HNRNPU: variants seen among roughly 807,000 people sequenced by gnomAD.
The protein encoded by HNRNPU is heterogeneous nuclear ribonucleoprotein U.
HNRNPU carries 5 observed loss-of-function variants against 94.7 expected under a neutral mutation model. That is an observed-to-expected ratio of 0.05 (90% CI 0.03 to 0.11). The LOEUF is 0.11. Ranked by LOEUF, HNRNPU falls within the 10% of genes least tolerant of loss-of-function variation. The pLI, the probability that HNRNPU is intolerant of heterozygous loss-of-function variation, is 1.00. For synonymous variants in HNRNPU, 434 were observed against 381.6 expected (o/e 1.14, Z -1.60); for missense variants, 710 against 1,049.2 (o/e 0.68, Z 4.47).
intron 1 of HNRNPU, 41 bp downstream of exon 1, chr1:244,863,576 G>A: frequency 7.3e-7 from 1 of 1,375,852 alleles, no homozygotes; most frequent in Non-Finnish European, 9.3e-7. Context: ...CCCACCCCGC[G>A]CGGGCCTCCC....
Position 244,852,386 on chromosome 1 carries a change from T to C in HNRNPU, c.*2064A>G, listed in dbSNP as rs1256950574. 1 of 152,168 alleles carries C rather than the reference T, an allele frequency of 6.6e-6. No homozygotes were observed. The highest frequency in any genetic ancestry group is 1.5e-5 in the Non-Finnish European group (1 of 68,006). 9.4% of individuals were successfully genotyped at this position (152,168 alleles called of 1,614,324 possible). On this transcript the variant is annotated 3_prime_UTR_variant, in exon 14 of 14. Coordinates refer to ENST00000640218, the MANE Select transcript of HNRNPU (RefSeq NM_031844.3). ...CTTGACCATTACTTTCCCACTGCAATTATAAAATGAATTCCTTAATAAGCA... is the reference window on the plus strand; with the variant it reads ...CTTGACCATTACTTTCCCACTGCAACTATAAAATGAATTCCTTAATAAGCA...
At chr1:244,862,909 G>A (rs1680877119) in intron 1 of HNRNPU, 179 bp from the exon 2 acceptor site, 2 of 623,928 alleles carry the variant, frequency 3.2e-6, no homozygotes, top group South Asian at 1.9e-5. Context: ...TAGTGACGCA[G>A]TCTAAAGACA....
chr1:244,862,254 C>T, intron 3 of HNRNPU: 1 of 512,282 alleles, frequency 2.0e-6, no homozygotes, highest in Non-Finnish European at 3.4e-6. Flanking sequence ...ATACGAAACT[C>T]CTAGAGCCTG....
At position 244,858,140 on chromosome 1, in the gene HNRNPU, A is replaced by C. The variant is rs766912654; in HGVS notation, c.1365T>G (p.Val455=). Residue 455 remains valine, a synonymous_variant, in exon 7 of 14, where the codon GTT becomes GTG. Transcript: ENST00000640218. ...FPHVLCHNCA[V]EFNFGQKEKP... is the part of the protein sequence containing the mutation. ...TTTCCTTCTGACCAAAATTAAATTC[A>C]ACTGCACAGTTGTGGCAGAGAACAT... 2 of 1,614,190 alleles carry C rather than the reference A, an allele frequency of 1.2e-6. No individual in the cohort carries two copies. The highest frequency in any genetic ancestry group is 1.7e-6 in the Non-Finnish European group (2 of 1,180,024).
intron 13 of HNRNPU, chr1:244,854,764 C>T (rs1322849369): frequency 2.0e-6 from 1 of 502,922 alleles, no homozygotes; most frequent in African/African-American, 2.0e-5. Context: ...AATAATATTA[C>T]TTTATTAAAA....
rs1558183642 is a variant in HNRNPU at position 244,850,672 on chromosome 1, A to G, written c.*3778T>C. ...CAGTCCCTCACCATTTATGCTGGGT[A>G]TGAGTCCCAATGCATGGGTATTGCA... On this transcript the variant is annotated 3_prime_UTR_variant, in exon 14 of 14. Transcript: ENST00000640218. The G allele has an allele frequency of 6.6e-6, 1 of 152,174 alleles. No individual in the cohort carries two copies. Among genetic ancestry groups the G allele is most frequent in the Non-Finnish European group, 1.5e-5 (1 of 68,036 alleles). 9.4% of individuals were successfully genotyped at this position (152,174 alleles called of 1,614,324 possible).
intron 8 of HNRNPU, 167 bp downstream of exon 8, chr1:244,857,430 AG>A: frequency 1.6e-6 from 1 of 631,724 alleles, no homozygotes; most frequent in South Asian, 2.3e-5. Flanking sequence ...AATTTTTAGT[AG>A]GAACGGGGCT....
At chr1:244,863,143 G>A (rs1399898350) in intron 1 of HNRNPU, 5 of 174,004 alleles carry the variant, frequency 2.9e-5, no homozygotes, top group Non-Finnish European at 5.9e-5. Context: ...CGCCGGAAGT[G>A]ACGTCACGCC....
At chr1:244,855,649 C>T (rs759323417) in intron 11 of HNRNPU, 41 bp from the exon 12 acceptor site, 2 of 1,583,940 alleles carry the variant, frequency 1.3e-6, no homozygotes, top group South Asian at 2.2e-5. Context: ...GTATATTGTA[C>T]CCTACTTATA....
rs756924043 is a variant in HNRNPU, at chr1:244,854,434, C to T, written c.*16G>A. ...GGTTTTGGAGAAATATGTATCAGTT[C>T]GTTTTATTTGGGTATTCAATAATAT... On this transcript the variant is annotated 3_prime_UTR_variant, in exon 14 of 14. Transcript: ENST00000640218. 2 of 1,522,498 alleles carry T rather than the reference C, an allele frequency of 1.3e-6. No homozygotes were observed. The allele number at this position is 1,522,498 out of a possible 1,614,324, so 94.3% of individuals were successfully genotyped here.
rs1235582522 is a variant in HNRNPU, at chr1:244,850,747, A to T, written c.*3703T>A. Reference sequence around the variant, plus strand: ...ATGTGTTTGCTTTTATTATTACTAAAATGTTAAAACTTAAACCCAATTATT... The same window carrying T: ...ATGTGTTTGCTTTTATTATTACTAATATGTTAAAACTTAAACCCAATTATT... On this transcript the variant is annotated 3_prime_UTR_variant, in exon 14 of 14. Transcript: ENST00000640218. The T allele has an allele frequency of 6.6e-6, 1 of 152,144 alleles. No homozygotes were observed. Among genetic ancestry groups the T allele is most frequent in the Non-Finnish European group, 1.5e-5 (1 of 68,030 alleles). 9.4% of individuals were successfully genotyped at this position (152,144 alleles called of 1,614,324 possible). A position where few individuals can be genotyped will look rare whatever the true frequency, so the allele number is the denominator to read the frequency against.
intron 1 of HNRNPU, chr1:244,863,167 C>G (rs894402942): frequency 3.5e-5 from 6 of 172,720 alleles, no homozygotes; most frequent in African/African-American, 1.4e-4. Flanking sequence ...CCCCTGCGCT[C>G]CTTGCACAAT....
rs777752880 is a variant in HNRNPU at position 244,863,885 on chromosome 1, C to A, written c.423G>T (p.Gly141=). ...ENGDDQGFQE[G]EDELGDEEEG... ...CCTCTTCGTCCCCGAGCTCATCTTC[C>A]CCTTCCTGGAAACCCTGATCGTCGC... The change falls in exon 1 of 14, where the codon GGG becomes GGT. Residue 141 remains glycine (G), a synonymous_variant. Coordinates refer to ENST00000640218, the MANE Select transcript of HNRNPU (RefSeq NM_031844.3). 17 of 1,613,934 alleles carry A rather than the reference C, an allele frequency of 1.1e-5. No homozygotes were observed. Among genetic ancestry groups the A allele is most frequent in the Non-Finnish European group, 1.4e-5 (16 of 1,179,948 alleles).
rs970798155 is a variant in HNRNPU at position 244,864,376 on chromosome 1, G to A, written c.-69C>T. Reference sequence around the variant, plus strand: ...CTCCGCTCACTCGGCCACTGGTGGCGGCTGCTGCGGCTGCTCCTCGGCCCG... The same window carrying A: ...CTCCGCTCACTCGGCCACTGGTGGCAGCTGCTGCGGCTGCTCCTCGGCCCG... On this transcript the variant is annotated 5_prime_UTR_variant, in exon 1 of 14. Transcript: ENST00000640218. The A allele has an allele frequency of 6.2e-5, 99 of 1,584,776 alleles. No homozygotes were observed. The highest frequency in any genetic ancestry group is 8.1e-5 in the Non-Finnish European group (95 of 1,170,416).
Position 244,855,487 on chromosome 1 carries a change from A to C in HNRNPU, c.2289T>G (p.Gly763=). Residue 763 remains glycine, a synonymous_variant, in exon 12 of 14, where the codon GGT becomes GGG. Coordinates refer to ENST00000640218, the MANE Select transcript of HNRNPU (RefSeq NM_031844.3). ...YPRAPVFPGR[G]SYSNRGNYNR... is the part of the protein sequence containing the mutation. ...TGTAGTTCCCTCTGTTTGAGTAACT[A>C]CCACGGCCAGGAAAAACAGGGGCAC... The C allele has an allele frequency of 1.9e-6, 3 of 1,613,974 alleles. No individual in the cohort carries two copies. In the South Asian group the frequency reaches 3.3e-5, roughly 18 times the overall value.
intron 8 of HNRNPU, 65 bp downstream of exon 8, chr1:244,857,533 C>T: frequency 6.6e-7 from 1 of 1,521,372 alleles, no homozygotes; most frequent in South Asian, 1.2e-5. Context: ...AGGCGTGAAC[C>T]ACCATGCCCA....
rs1290137397 is a variant in HNRNPU at position 244,850,499 on chromosome 1, A to G, written c.*3951T>C. 2.3e-5 allele frequency: 3 copies of G among 131,654 alleles called. No homozygotes were observed. The Admixed American group carries it at 2.8e-4, about 12-fold the overall frequency. 8.2% of individuals were successfully genotyped at this position (131,654 alleles called of 1,614,324 possible). Reference sequence around the variant, plus strand: ...CACCCCCCCCCAAAAAAAAGCTTTAATAAAGGCACTGCAGCGTTAACTAAG... The same window carrying G: ...CACCCCCCCCCAAAAAAAAGCTTTAGTAAAGGCACTGCAGCGTTAACTAAG... On this transcript the variant is annotated 3_prime_UTR_variant, in exon 14 of 14. Transcript: ENST00000640218.
rs1310439432 is a variant in HNRNPU at position 244,858,735 on chromosome 1, A to G, written c.1224T>C (p.Cys408=). The G allele has an allele frequency of 1.3e-6, 2 of 1,538,024 alleles. No homozygotes were observed. The highest frequency in any genetic ancestry group is 2.3e-5 in the South Asian group (2 of 88,288). ...EKFDENDVIT[C]FANFESDEVE... is the part of the protein sequence containing the mutation. ...AAAGTTAGCTTTAACTTACAGCAAAACATGTAATCACATCATTTTCATCAA... is the reference window on the plus strand; with the variant it reads ...AAAGTTAGCTTTAACTTACAGCAAAGCATGTAATCACATCATTTTCATCAA... The change falls in exon 6 of 14, where the codon TGT becomes TGC. Residue 408 remains cysteine (C), a synonymous_variant. Coordinates refer to ENST00000640218, the MANE Select transcript of HNRNPU (RefSeq NM_031844.3).
chr1:244,856,241 A>G, intron 10 of HNRNPU, 83 bp from the exon 11 acceptor site: 1 of 1,388,684 alleles, frequency 7.2e-7, no homozygotes, highest in Non-Finnish European at 9.8e-7. Flanking sequence ...CTTGAGGTTT[A>G]GTAACATATT....
Sources: gnomAD v4.1 joint callset for allele counts on GRCh38, gnomAD v4.1.1 for gene constraint, MANE v1.5 for transcripts, NCBI Gene and HGNC (gene_info 2026-07-23, HGNC 2026-07-21) for gene names.